The following DLC1 variants were observed in gnomAD, a reference collection of about 807,000 sequenced individuals.
DLC1 encodes rho GTPase-activating protein 7.
A neutral mutation model predicts 140.3 loss-of-function variants in DLC1; 54 were observed. The ratio of observed to expected loss-of-function variants is 0.38; its 90% CI spans 0.31 to 0.48. The LOEUF (loss-of-function observed/expected upper bound fraction) is 0.48, where lower values mean the gene tolerates loss of function less well. Ranked by LOEUF, DLC1 falls within the 20% of genes least tolerant of loss-of-function variation. DLC1 has a pLI of 0.96. For missense variants in DLC1, 2,536 were observed against 1,907.0 expected (o/e 1.33, Z -6.14); for synonymous variants, 986 against 728.1 (o/e 1.35, Z -5.70).
intron 1 of DLC1, among the ~76,000 whole-genome samples, chr8:13,534,227 G>A (rs1214530904): frequency 6.6e-6 from 1 of 152,070 alleles, no homozygotes; most frequent in African/African-American, 2.4e-5. Flanking sequence ...GAACAACCCA[G>A]TTCACTGTAC....
chr8:13,471,766 G>A, intron 2 of DLC1, among the ~76,000 whole-genome samples: 1 of 152,108 alleles, frequency 6.6e-6, no homozygotes, highest in East Asian at 1.9e-4. Context: ...GAGAAAAAAA[G>A]AAAAGCAGCC....
intron 1 of DLC1, among the ~76,000 whole-genome samples, chr8:13,593,554 GAA>G (rs1354190171): frequency 6.6e-6 from 1 of 152,106 alleles, no homozygotes; most frequent in Non-Finnish European, 1.5e-5. Flanking sequence ...AGGCTAATGT[GAA>G]AGAGTGAAGA....
intron 4 of DLC1, among the ~76,000 whole-genome samples, chr8:13,320,677 G>A (rs1415736625): frequency 6.6e-6 from 1 of 151,996 alleles, no homozygotes; most frequent in Non-Finnish European, 1.5e-5. Context: ...GGGGGTGGGT[G>A]GGGTGAGGTC....
chr8:13,094,375 C>T (rs895142847), intron 12 of DLC1, among the ~76,000 whole-genome samples: 7 of 152,088 alleles, frequency 4.6e-5, no homozygotes, highest in South Asian at 2.1e-4. Context: ...GTCAAAAGAA[C>T]GCTATCAAGG....
intron 4 of DLC1, chr8:13,339,663 T>C (rs1487037644): frequency 2.0e-5 from 3 of 152,292 alleles, no homozygotes; most frequent in East Asian, 1.9e-4. Context: ...CCTCTAAAAT[T>C]GCATGCCAAG....
intron 4 of DLC1, among the ~76,000 whole-genome samples, chr8:13,382,116 A>G (rs1054514400): frequency 3.3e-5 from 5 of 152,188 alleles, no homozygotes; most frequent in Admixed American, 1.3e-4. Context: ...GTGGTAATGT[A>G]GAAAGTAAAA....
At chr8:13,251,304 G>T (rs1255788709) in intron 5 of DLC1, among the ~76,000 whole-genome samples, 3 of 152,102 alleles carry the variant, frequency 2.0e-5, no homozygotes, top group Non-Finnish European at 4.4e-5. Flanking sequence ...ACTGCAGGCT[G>T]ATGGGGCAGG....
Position 13,496,785 on chromosome 8 carries a change from C to CT in DLC1, c.1023+2263_1023+2264insA, listed in dbSNP as rs1491502803. ...TAATTAACAAATTCTTAGACCATTT[C>CT]CTTTTTTTTTTTTTTTTTTTTTTTT... On this transcript the variant is annotated intron_variant, in intron 2 of 17. Coordinates refer to ENST00000276297, the MANE Select transcript of DLC1 (RefSeq NM_182643.3). Among the ~76,000 whole-genome samples the CT allele has an allele frequency of 3.1e-3, 27 of 8,642 alleles. 7 individuals are homozygous for CT. The highest frequency in any genetic ancestry group is 5.9e-3 in the East Asian group (8 of 1,350). 5.7% of individuals were successfully genotyped at this position (8,642 alleles called of 152,430 possible). A position where few individuals can be genotyped will look rare whatever the true frequency, so the allele number is the denominator to read the frequency against.
intron 1 of DLC1, among the ~76,000 whole-genome samples, chr8:13,521,762 C>T (rs1343903601): frequency 6.6e-6 from 1 of 152,148 alleles, no homozygotes; most frequent in East Asian, 1.9e-4. Context: ...GTTCCAATTT[C>T]TGTTAAAGTA....
At chr8:13,285,348 A>T (rs1032842136) in intron 5 of DLC1, among the ~76,000 whole-genome samples, 1 of 152,170 alleles carries the variant, frequency 6.6e-6, no homozygotes, top group African/African-American at 2.4e-5. Context: ...AACCATATGG[A>T]AAAAAGAAAC....
rs141116385 is a variant in DLC1, at chr8:13,597,068, C to T, written c.-126+7469G>A. Among the ~76,000 whole-genome samples the T allele has an allele frequency of 9.6e-4, 146 of 151,928 alleles. 1 individual carries two copies. The highest frequency in any genetic ancestry group is 3.3e-3 in the African/African-American group (135 of 41,484). ...ATAATGCAGCAAGGACAAGTAAATT[C>T]ATATTTTTCATCTCAATATGTCCAC... On this transcript the variant is annotated intron_variant, in intron 1 of 1. Transcript: ENST00000631382.
At chr8:13,367,446 C>G (rs1167175988) in intron 4 of DLC1, among the ~76,000 whole-genome samples, 1 of 152,068 alleles carries the variant, frequency 6.6e-6, no homozygotes, top group Non-Finnish European at 1.5e-5. Flanking sequence ...CATTAGGGGG[C>G]CCAATAGAAG....
intron 5 of DLC1, among the ~76,000 whole-genome samples, chr8:13,150,305 G>A (rs531275341): frequency 6.6e-6 from 1 of 152,262 alleles, no homozygotes; most frequent in Non-Finnish European, 1.5e-5. Flanking sequence ...TTGCCCAGCA[G>A]GCTTCATTAT....
intron 2 of DLC1, among the ~76,000 whole-genome samples, chr8:13,419,226 C>A (rs1007943332): frequency 3.3e-5 from 5 of 151,916 alleles, no homozygotes; most frequent in Non-Finnish European, 7.4e-5. Context: ...TGCCTAATTG[C>A]CCTGGCCAGA....
At chr8:13,579,854 C>T (rs1204333714) in intron 1 of DLC1, among the ~76,000 whole-genome samples, 3 of 151,484 alleles carry the variant, frequency 2.0e-5, no homozygotes, top group Non-Finnish European at 4.4e-5. Flanking sequence ...CCCAGTGTGC[C>T]CATATATTAC....
At chr8:13,524,522 A>C (rs1802859898) in intron 1 of DLC1, among the ~76,000 whole-genome samples, 2 of 152,168 alleles carry the variant, frequency 1.3e-5, no homozygotes, top group Non-Finnish European at 2.9e-5. Flanking sequence ...ATATCTATGA[A>C]ACAAAAAATT....
At chr8:13,429,718 T>G (rs1838771309) in intron 2 of DLC1, among the ~76,000 whole-genome samples, 1 of 152,214 alleles carries the variant, frequency 6.6e-6, no homozygotes, top group Non-Finnish European at 1.5e-5. Context: ...TAGTATCTAT[T>G]TGGATAGAAT....
chr8:13,346,250 G>T (rs1480742233), intron 4 of DLC1, among the ~76,000 whole-genome samples: 1 of 152,162 alleles, frequency 6.6e-6, no homozygotes, highest in African/African-American at 2.4e-5. Context: ...TGATGTAAAG[G>T]GATTCACAGT....
rs989031830 is a variant in DLC1, at chr8:13,312,356, G to A, written c.1315-7054C>T. Among the ~76,000 whole-genome samples, 9 of 1,410 alleles carry A rather than the reference G, an allele frequency of 6.4e-3. No homozygotes were observed. The Admixed American group carries it at 0.14, about 21-fold the overall frequency. 0.9% of individuals were successfully genotyped at this position (1,410 alleles called of 152,430 possible). The stretch of plus-strand genomic sequence containing the variant: ...AGCCTGGGCGACAGAGCGAGACTCC[G>A]TCTCAAAAAAAAAAAAAAAAAAAAA... On this transcript the variant is annotated intron_variant, in intron 4 of 17. Coordinates refer to ENST00000276297, the MANE Select transcript of DLC1 (RefSeq NM_182643.3).
Sources: allele counts gnomAD v4.1 joint callset (sites outside exome capture counted in the v4.1 genomes callset), GRCh38; gene constraint gnomAD v4.1.1; transcripts MANE v1.5; gene names NCBI Gene and HGNC (gene_info 2026-07-23, HGNC 2026-07-21).